The following GABRA3 variants were observed in gnomAD, a reference collection of about 807,000 sequenced individuals.
GABRA3 encodes gamma-aminobutyric acid type A receptor subunit alpha3, also known as gamma-aminobutyric acid receptor subunit alpha-3.
In GABRA3, 10 loss-of-function variants were observed where a neutral mutation model predicts 30.1. The observed-to-expected ratio is 0.33, with a 90% CI of 0.20 to 0.56. The LOEUF (loss-of-function observed/expected upper bound fraction) is 0.56, where lower values mean the gene tolerates loss of function less well. GABRA3 is among the 20% of genes least tolerant of loss of function. GABRA3 has a pLI of 0.89. For synonymous variants in GABRA3, 151 were observed against 146.8 expected (o/e 1.03, Z -0.21); for missense variants, 233 against 392.0 (o/e 0.59, Z 3.42).
At chrX:152,254,190 T>G (rs1359249359) in intron 5 of GABRA3, among the ~76,000 whole-genome samples, 1 of 111,225 alleles carries the variant, frequency 9.0e-6, no homozygotes, top group Admixed American at 9.6e-5. Context: ...GGAAAGCTTC[T>G]CTTTCTTTCG....
At chrX:152,187,305 G>A (rs1370178109) in intron 9 of GABRA3, 3 of 111,725 alleles carry the variant, frequency 2.7e-5, no homozygotes, top group African/African-American at 9.8e-5. Flanking sequence ...AGATCAGGGT[G>A]AAGATGACAC....
chrX:152,426,293 G>C (rs1210294485), intron 1 of GABRA3, among the ~76,000 whole-genome samples: 1 of 111,621 alleles, frequency 9.0e-6, no homozygotes, highest in Admixed American at 9.5e-5. Flanking sequence ...GGGTGGGTAG[G>C]ATTATATTCT....
At chrX:152,441,244 T>C (rs906930511) in intron 1 of GABRA3, among the ~76,000 whole-genome samples, 1 of 111,222 alleles carries the variant, frequency 9.0e-6, no homozygotes, top group Non-Finnish European at 1.9e-5. Context: ...TAATTATACA[T>C]TAATAAATCT....
At chrX:152,268,409 C>G (rs960479280) in intron 4 of GABRA3, among the ~76,000 whole-genome samples, 1 of 112,115 alleles carries the variant, frequency 8.9e-6, no homozygotes, top group African/African-American at 3.2e-5. Context: ...TGCACATGCC[C>G]TCTTCCCTGC....
chrX:152,415,808 A>G (rs1010694247), intron 1 of GABRA3, among the ~76,000 whole-genome samples: 3 of 111,438 alleles, frequency 2.7e-5, no homozygotes, highest in Non-Finnish European at 3.8e-5. Context: ...AATAAAAAAC[A>G]TTTTAAAGGT....
rs766240924 is a variant in GABRA3, at chrX:152,324,873, G to T, written c.262+20708C>A. Reference sequence around the variant, plus strand: ...TGAGGAGATTGGCTGGTCAATGGTTGTAAAAAAAATAATCTACTAGATTTT... The same window carrying T: ...TGAGGAGATTGGCTGGTCAATGGTTTTAAAAAAAATAATCTACTAGATTTT... On this transcript the variant is annotated intron_variant, in intron 3 of 9. Transcript: ENST00000370314. Among the ~76,000 whole-genome samples, 5 of 111,623 alleles carry T rather than the reference G, an allele frequency of 4.5e-5. No individual in the cohort carries two copies. The South Asian group carries it at 1.9e-3, about 42-fold the overall frequency.
chrX:152,236,708 C>G (rs1283074026), intron 5 of GABRA3, among the ~76,000 whole-genome samples: 1 of 105,121 alleles, frequency 9.5e-6, no homozygotes, highest in East Asian at 3.0e-4. Flanking sequence ...GAGATGGTAT[C>G]TCATTGTGGT....
intron 4 of GABRA3, among the ~76,000 whole-genome samples, chrX:152,257,950 A>G: frequency 8.9e-6 from 1 of 112,223 alleles, no homozygotes; most frequent in Non-Finnish European, 1.9e-5. Flanking sequence ...TAAGCTGGGT[A>G]TACCACTAGA....
chrX:152,272,041 G>A (rs758857187), intron 4 of GABRA3, among the ~76,000 whole-genome samples: 2 of 112,000 alleles, frequency 1.8e-5, no homozygotes, highest in African/African-American at 3.2e-5. Context: ...CTGTGTTAGG[G>A]CAGTGTGAAA....
At chrX:152,214,636 A>G (rs995076663) in intron 6 of GABRA3, among the ~76,000 whole-genome samples, 3 of 111,114 alleles carry the variant, frequency 2.7e-5, no homozygotes, top group African/African-American at 6.5e-5. Context: ...TTTGATAGCA[A>G]TCGTATTGAA....
intron 6 of GABRA3, among the ~76,000 whole-genome samples, chrX:152,224,375 A>G (rs1937897828): frequency 8.9e-6 from 1 of 112,010 alleles, no homozygotes; most frequent in Non-Finnish European, 1.9e-5. Context: ...TGCAGGTAGA[A>G]TACGCACTTC....
At chrX:152,260,381 G>A (rs1382125750) in intron 4 of GABRA3, among the ~76,000 whole-genome samples, 1 of 111,146 alleles carries the variant, frequency 9.0e-6, no homozygotes, top group Non-Finnish European at 1.9e-5. Flanking sequence ...CCAAGGCCTT[G>A]AGTGAACATA....
intron 5 of GABRA3, among the ~76,000 whole-genome samples, chrX:152,237,225 T>G (rs888066978): frequency 1.8e-5 from 2 of 111,263 alleles, no homozygotes; most frequent in African/African-American, 6.6e-5. Context: ...GCTAGCCAGT[T>G]TTCCCAGCAC....
At chrX:152,179,795 G>A (rs1174198082) in intron 9 of GABRA3, among the ~76,000 whole-genome samples, 1 of 111,308 alleles carries the variant, frequency 9.0e-6, no homozygotes, top group Non-Finnish European at 1.9e-5. Flanking sequence ...GATCACACAT[G>A]TAAGTGACAT....
rs1491340168 is a variant in GABRA3, at chrX:152,231,142, T to TAG, written c.552-6298_552-6297insCT. The stretch of plus-strand genomic sequence containing the variant: ...CAACCTAATACAAAAATGAGAAGTG[T>TAG]ATATATATATATACACACATATATG... On this transcript the variant is annotated intron_variant, in intron 5 of 9. Transcript: ENST00000370314. Among the ~76,000 whole-genome samples, 9 of 64,161 alleles carry TAG rather than the reference T, an allele frequency of 1.4e-4. No individual in the cohort carries two copies. In the East Asian group the frequency reaches 2.8e-3, roughly 20 times the overall value. 55.7% of individuals were successfully genotyped at this position (64,161 alleles called of 115,157 possible).
intron 3 of GABRA3, among the ~76,000 whole-genome samples, chrX:152,297,092 A>G (rs181456162): frequency 8.9e-6 from 1 of 111,865 alleles, no homozygotes; most frequent in Non-Finnish European, 1.9e-5. Context: ...AACATTTAAG[A>G]GATCACAATC....
At chrX:152,405,577 G>A (rs969738384) in intron 1 of GABRA3, among the ~76,000 whole-genome samples, 1 of 110,359 alleles carries the variant, frequency 9.1e-6, no homozygotes, top group African/African-American at 3.3e-5. Context: ...CCACTTGGGG[G>A]AAGGAGAGAG....
chrX:152,191,545 T>C (rs1234604238), intron 8 of GABRA3, among the ~76,000 whole-genome samples: 1 of 108,528 alleles, frequency 9.2e-6, no homozygotes, highest in South Asian at 4.1e-4. Flanking sequence ...AAAGTGAGCC[T>C]CCTTAGCCTG....
intron 5 of GABRA3, among the ~76,000 whole-genome samples, chrX:152,240,308 C>T (rs12686919): frequency 1.0e-4 from 10 of 99,410 alleles, no homozygotes; most frequent in East Asian, 3.9e-4. Context: ...TCTTTAAGAA[C>T]GTTGAATATT....
Sources: gnomAD v4.1 joint callset for allele counts (sites outside exome capture counted in the v4.1 genomes callset) on GRCh38, gnomAD v4.1.1 for gene constraint, MANE v1.5 for transcripts, NCBI Gene and HGNC (gene_info 2026-07-23, HGNC 2026-07-21) for gene names.